Variants in CDH18 observed in about 807,000 individuals in gnomAD.
The protein encoded by CDH18 is cadherin-18.
In CDH18, 31 loss-of-function variants were observed where a neutral mutation model predicts 67.9. That is an observed-to-expected ratio of 0.46 (90% confidence interval 0.34 to 0.62). The LOEUF (loss-of-function observed/expected upper bound fraction) is 0.62, where lower values mean the gene tolerates loss of function less well. Ranked by LOEUF, CDH18 falls within the 20% of genes least tolerant of loss-of-function variation. The pLI, the probability that CDH18 is intolerant of heterozygous loss-of-function variation, is 0.01. For synonymous variants in CDH18, 362 were observed against 347.2 expected (o/e 1.04, Z -0.48); for missense variants, 890 against 975.5 (o/e 0.91, Z 1.17).
intron 4 of CDH18, among the ~76,000 whole-genome samples, chr5:19,744,447 AT>A (rs1360251557): frequency 6.6e-6 from 1 of 151,614 alleles, no homozygotes; most frequent in African/African-American, 2.4e-5. Context: ...TCTCACATAG[AT>A]TATGTGGCAT....
intron 2 of CDH18, among the ~76,000 whole-genome samples, chr5:20,028,552 G>A (rs966009779): frequency 2.6e-5 from 4 of 152,102 alleles, no homozygotes; most frequent in South Asian, 2.1e-4. Flanking sequence ...TTTTCCATAC[G>A]GTAGCCTCGA....
intron 8 of CDH18, among the ~76,000 whole-genome samples, chr5:19,562,237 T>A (rs1042668637): frequency 1.3e-5 from 2 of 152,208 alleles, no homozygotes; most frequent in African/African-American, 4.8e-5. Flanking sequence ...ATTTACTGGT[T>A]ATTTTTCATC....
chr5:20,207,679 G>A (rs1047247289), intron 2 of CDH18, among the ~76,000 whole-genome samples: 1 of 152,034 alleles, frequency 6.6e-6, no homozygotes, highest in African/African-American at 2.4e-5. Context: ...TCTCCCCACA[G>A]GTCCCTCCCA....
intron 7 of CDH18, among the ~76,000 whole-genome samples, chr5:19,588,043 G>A (rs1744479376): frequency 6.6e-6 from 1 of 151,934 alleles, no homozygotes; most frequent in African/African-American, 2.4e-5. Flanking sequence ...TACTCTTTTT[G>A]TGGTGATTGT....
chr5:20,364,920 A>G (rs1397634406), intron 1 of CDH18, among the ~76,000 whole-genome samples: 1 of 152,212 alleles, frequency 6.6e-6, no homozygotes, highest in African/African-American at 2.4e-5. Flanking sequence ...TCAAGAGTAC[A>G]TGGGAATTGT....
At chr5:20,468,351 A>G (rs984282263) in intron 1 of CDH18, among the ~76,000 whole-genome samples, 7 of 152,134 alleles carry the variant, frequency 4.6e-5, no homozygotes, top group African/African-American at 1.7e-4. Flanking sequence ...TTTAAAGTAC[A>G]TTCCTCCAGT....
chr5:19,867,107 A>G (rs1561472813), intron 2 of CDH18, among the ~76,000 whole-genome samples: 1 of 152,116 alleles, frequency 6.6e-6, no homozygotes, highest in Non-Finnish European at 1.5e-5. Context: ...ATGAATAAAT[A>G]ATGCACTCTT....
intron 7 of CDH18, among the ~76,000 whole-genome samples, chr5:19,583,065 T>A (rs1743530997): frequency 6.6e-6 from 1 of 152,038 alleles, no homozygotes; most frequent in Non-Finnish European, 1.5e-5. Context: ...AAGGGTTTGA[T>A]AATATTTTAC....
rs7726158 is a variant in CDH18, at chr5:19,960,728, C to T, written c.-257+20332G>A. 2.1e-4 allele frequency among the ~76,000 whole-genome samples: 24 copies of T among 115,542 alleles called. No homozygotes were observed. In the South Asian group the frequency reaches 2.6e-3, roughly 12 times the overall value. The allele number at this position is 115,542 out of a possible 152,430, so 75.8% of individuals were successfully genotyped here. A position where few individuals can be genotyped will look rare whatever the true frequency, so the allele number is the denominator to read the frequency against. On this transcript the variant is annotated intron_variant, in intron 2 of 12. Transcript: ENST00000382275. ...GTATATATGTATACACGTGTATATA[C>T]GTATATACGTATACACGTGTATATA...
intron 1 of CDH18, among the ~76,000 whole-genome samples, chr5:20,371,436 T>G (rs1297586936): frequency 3.3e-5 from 5 of 152,076 alleles, no homozygotes; most frequent in Non-Finnish European, 5.9e-5. Flanking sequence ...TATGGAACAA[T>G]GGGAGACTTT....
At chr5:20,194,330 C>T (rs575376760) in intron 2 of CDH18, among the ~76,000 whole-genome samples, 1 of 152,126 alleles carries the variant, frequency 6.6e-6, no homozygotes, top group African/African-American at 2.4e-5. Flanking sequence ...TTTTTAGAGG[C>T]TGTTCTCTGT....
At chr5:19,622,857 C>G (rs569156159) in intron 5 of CDH18, among the ~76,000 whole-genome samples, 1 of 152,276 alleles carries the variant, frequency 6.6e-6, no homozygotes, top group Admixed American at 6.5e-5. Context: ...TCCAAACCAA[C>G]GTCATACGGA....
rs116634701 is a variant in CDH18, at chr5:19,685,942, C to G, written c.643+35405G>C. On this transcript the variant is annotated intron_variant, in intron 5 of 12. Coordinates refer to ENST00000382275, the MANE Select transcript of CDH18 (RefSeq NM_004934.5). Reference sequence around the variant, plus strand: ...ACTCCATTTGAATTATAGCCCCAAACTGACTGCAAAGGAGAATGGGAAATT... The same window carrying G: ...ACTCCATTTGAATTATAGCCCCAAAGTGACTGCAAAGGAGAATGGGAAATT... 7.5e-3 allele frequency among the ~76,000 whole-genome samples: 1,136 copies of G among 152,192 alleles called. 15 individuals carry two copies. Among genetic ancestry groups the G allele is most frequent in the African/African-American group, 0.026 (1,076 of 41,528 alleles).
chr5:19,746,902 A>T (rs1230071721), intron 4 of CDH18, 40 bp downstream of exon 4: 1 of 1,544,532 alleles, frequency 6.5e-7, no homozygotes, highest in Admixed American at 1.8e-5. Context: ...TGATTTTCTT[A>T]ATATGTTAAT....
intron 2 of CDH18, among the ~76,000 whole-genome samples, chr5:19,883,430 T>C (rs1787874442): frequency 7.3e-6 from 1 of 136,776 alleles, no homozygotes; most frequent in South Asian, 2.5e-4. Flanking sequence ...CCATTGATTG[T>C]TTACTACATC....
At chr5:20,558,310 C>T (rs1758026052) in intron 1 of CDH18, among the ~76,000 whole-genome samples, 1 of 151,972 alleles carries the variant, frequency 6.6e-6, no homozygotes, top group Middle Eastern at 3.2e-3. Flanking sequence ...AGTGTATCTC[C>T]GTATAGAGAA....
At chr5:19,883,444 A>AT (rs56161925) in intron 2 of CDH18, among the ~76,000 whole-genome samples, 82,525 of 146,896 alleles carry the variant, frequency 0.56, 23,362 homozygotes, top group Middle Eastern at 0.66. Context: ...CTACATCAAC[A>AT]TTTTTTTTTT....
At chr5:20,261,511 C>T (rs532810379) in intron 1 of CDH18, among the ~76,000 whole-genome samples, 6 of 152,058 alleles carry the variant, frequency 3.9e-5, no homozygotes, top group East Asian at 1.9e-4. Context: ...GAGGCTGAGG[C>T]GGGCAGATCA....
chr5:19,506,294 G>A (rs1020879247), intron 10 of CDH18, among the ~76,000 whole-genome samples: 16 of 152,104 alleles, frequency 1.1e-4, no homozygotes, highest in Non-Finnish European at 2.4e-4. Context: ...CCATGCTCAT[G>A]GGTAGGAAGA....
Sources: allele counts gnomAD v4.1 joint callset (sites outside exome capture counted in the v4.1 genomes callset), GRCh38; gene constraint gnomAD v4.1.1; transcripts MANE v1.5; gene names NCBI Gene and HGNC (gene_info 2026-07-23, HGNC 2026-07-21).